The following PREX1 variants were observed in gnomAD, a reference collection of about 807,000 sequenced individuals.
PREX1 encodes phosphatidylinositol 3,4,5-trisphosphate-dependent Rac exchanger 1 protein.
A neutral mutation model predicts 198.3 loss-of-function variants in PREX1; 41 were observed. That is an observed-to-expected ratio of 0.21 (90% CI 0.16 to 0.27). PREX1 has a LOEUF of 0.27. PREX1 is among the 10% of genes least tolerant of loss of function. The pLI is 1.00. For synonymous variants in PREX1, 843 were observed against 887.2 expected, an observed-to-expected ratio of 0.95 and a Z score of 0.89; for missense variants, 1,620 against 2,200.7, an observed-to-expected ratio of 0.74 and a Z score of 5.28.
the PREX1 span, among the ~76,000 whole-genome samples, chr20:48,875,857 C>A: frequency 6.6e-6 from 1 of 152,128 alleles, no homozygotes; most frequent in African/African-American, 2.4e-5. Context: ...AAGGCCAAGG[C>A]GGGGTGTTTG....
At chr20:48,758,295 T>C (rs2090163744) in intron 1 of PREX1, among the ~76,000 whole-genome samples, 1 of 151,966 alleles carries the variant, frequency 6.6e-6, no homozygotes, top group African/African-American at 2.4e-5. Context: ...GCAGTGGGGG[T>C]GATCCTGGCA....
chr20:48,637,804 G>A (rs1283020141), intron 30 of PREX1, 52 bp from the exon 31 acceptor site: 1 of 1,539,938 alleles, frequency 6.5e-7, no homozygotes, highest in Non-Finnish European at 8.9e-7. Context: ...GGGGCAGCAA[G>A]AGGTGAGGGC....
rs1373152651 is a variant in PREX1, at chr20:48,661,468, T to TATATATATATACATATACAC, written c.1739-1408_1739-1407insGTGTATATGTATATATATAT. ...AAATATATATATATATATATATATA[T>TATATATATATACATATACAC]ACACACACATATATATAATATAATA... On this transcript the variant is annotated intron_variant, in intron 15 of 39. Coordinates refer to ENST00000371941, the MANE Select transcript of PREX1 (RefSeq NM_020820.4). 7.8e-5 allele frequency among the ~76,000 whole-genome samples: 6 copies of TATATATATATACATATACAC among 76,806 alleles called. 1 individual carries two copies. Among genetic ancestry groups the TATATATATATACATATACAC allele is most frequent in the African/African-American group, 6.0e-4 (6 of 9,972 alleles). The allele number at this position is 76,806 out of a possible 152,430, so 50.4% of individuals were successfully genotyped here. A position where few individuals can be genotyped will look rare whatever the true frequency, so the allele number is the denominator to read the frequency against.
chr20:48,817,818 C>CA (rs2090465352), intron 1 of PREX1, among the ~76,000 whole-genome samples: 1 of 152,008 alleles, frequency 6.6e-6, no homozygotes, highest in Admixed American at 6.6e-5. Context: ...TTTTTTCATT[C>CA]AAAAAATACT....
chr20:48,792,242 A>G (rs113399526), intron 1 of PREX1, among the ~76,000 whole-genome samples: 27,778 of 152,018 alleles, frequency 0.18, 2,729 homozygotes, highest in Middle Eastern at 0.3. Flanking sequence ...TTGGGAGGCC[A>G]GGTGGATCAC....
intron 1 of PREX1, among the ~76,000 whole-genome samples, chr20:48,806,617 A>C (rs1669247401): frequency 6.6e-6 from 1 of 152,366 alleles, no homozygotes; most frequent in East Asian, 1.9e-4. Context: ...ACTAAGGTTC[A>C]AACATGTTAA....
Position 48,691,145 on chromosome 20 carries a change from C to CT in PREX1, c.1037-50dup. On this transcript the variant is annotated intron_variant, in intron 8 of 39. Coordinates refer to ENST00000371941, the MANE Select transcript of PREX1 (RefSeq NM_020820.4). This position sits in a 1 kb window ranked among gnomAD's most constrained non-coding sequence, Gnocchi z 5.0. ...TGCAGCAGAGACTCAGCCGCGTGAC[C>CT]TTCAACACTCCCCATTGCCAAGCCC... The CT allele has an allele frequency of 6.2e-7, 1 of 1,611,924 alleles. No homozygotes were observed. Among genetic ancestry groups the CT allele is most frequent in the Non-Finnish European group, 8.5e-7 (1 of 1,178,386 alleles).
At chr20:48,661,280 A>G (rs1483005339) in intron 15 of PREX1, among the ~76,000 whole-genome samples, 1 of 150,942 alleles carries the variant, frequency 6.6e-6, no homozygotes, top group East Asian at 2.0e-4. Flanking sequence ...TTAGCTGGGC[A>G]TGGTGGCGCA....
At chr20:48,797,302 G>A (rs1309030359) in intron 1 of PREX1, among the ~76,000 whole-genome samples, 1 of 151,902 alleles carries the variant, frequency 6.6e-6, no homozygotes, top group Non-Finnish European at 1.5e-5. Flanking sequence ...GAGTCCAGCA[G>A]AGCAGGACAA....
intron 1 of PREX1, among the ~76,000 whole-genome samples, chr20:48,797,967 T>G (rs977488761): frequency 5.3e-5 from 8 of 152,246 alleles, no homozygotes; most frequent in Non-Finnish European, 1.2e-4. Flanking sequence ...CCAAAGCCTT[T>G]GACTCTTAAT....
In PREX1 at chr20:48,625,868, G is replaced by A. The variant is rs373030816; in HGVS notation, c.*17C>T. On this transcript the variant is annotated 3_prime_UTR_variant, in exon 40 of 40. Transcript: ENST00000371941. Reference sequence around the variant, plus strand: ...CCAGCTCCAGAGGCCGCGGCCCAGCGTGGGGCATTTGGGTGTTCAGAGGTC... The same window carrying A: ...CCAGCTCCAGAGGCCGCGGCCCAGCATGGGGCATTTGGGTGTTCAGAGGTC... The A allele has an allele frequency of 4.4e-5, 69 of 1,558,966 alleles. 1 individual carries two copies. Among genetic ancestry groups the A allele is most frequent in the African/African-American group, 2.9e-4 (21 of 71,820 alleles).
the PREX1 span, among the ~76,000 whole-genome samples, chr20:48,853,335 A>G: frequency 6.6e-6 from 1 of 152,224 alleles, no homozygotes; most frequent in African/African-American, 2.4e-5. Context: ...GATTTAATTG[A>G]CTCACAGTTC....
intron 1 of PREX1, among the ~76,000 whole-genome samples, chr20:48,781,239 T>C (rs1371736832): frequency 2.0e-5 from 3 of 152,198 alleles, no homozygotes; most frequent in Non-Finnish European, 4.4e-5. Flanking sequence ...AATAGTACTG[T>C]ATCAAGATTA....
chr20:48,808,772 C>A (rs369183129), intron 1 of PREX1, among the ~76,000 whole-genome samples: 1 of 152,234 alleles, frequency 6.6e-6, no homozygotes, highest in Non-Finnish European at 1.5e-5. Context: ...TTGCTCTGCC[C>A]CTGGCCATTC....
chr20:48,882,932 T>TC, the PREX1 span, among the ~76,000 whole-genome samples: 11 of 44,460 alleles, frequency 2.5e-4, no homozygotes, highest in African/African-American at 1.2e-3. Context: ...TGGGTTGTCC[T>TC]TTTTTTTTTT....
intron 38 of PREX1, 93 bp downstream of exon 38, chr20:48,627,768 T>A: frequency 7.1e-7 from 1 of 1,404,678 alleles, no homozygotes; most frequent in Non-Finnish European, 9.8e-7. Flanking sequence ...GGTCTGGGGC[T>A]GGTGGCTACC....
chr20:48,718,943 T>A (rs1223900925), intron 5 of PREX1, among the ~76,000 whole-genome samples: 1 of 152,226 alleles, frequency 6.6e-6, no homozygotes, highest in Non-Finnish European at 1.5e-5. Flanking sequence ...TTAATAAGCA[T>A]AAAAACCATT....
chr20:48,640,624 A>C (rs1277046268), intron 29 of PREX1, among the ~76,000 whole-genome samples: 1 of 151,958 alleles, frequency 6.6e-6, no homozygotes, highest in Non-Finnish European at 1.5e-5. Flanking sequence ...TATCTCCTAC[A>C]ATCTACAATG....
chr20:48,667,508 A>T (rs774248556), intron 14 of PREX1, among the ~76,000 whole-genome samples: 7 of 152,320 alleles, frequency 4.6e-5, no homozygotes, highest in Middle Eastern at 6.8e-3. Context: ...GAAGAATGGA[A>T]GATTCTTCTG....
Sources: allele counts gnomAD v4.1 joint callset (sites outside exome capture counted in the v4.1 genomes callset), GRCh38; gene constraint gnomAD v4.1.1; non-coding constraint Gnocchi (gnomAD v3.1); transcripts MANE v1.5; gene names NCBI Gene and HGNC (gene_info 2026-07-23, HGNC 2026-07-21).